Variants in ZYG11B observed in about 807,000 individuals in gnomAD.
ZYG11B encodes the protein protein zyg-11 homolog B.
A neutral mutation model predicts 82.4 loss-of-function variants in ZYG11B; 36 were observed. That is an observed-to-expected ratio of 0.44 (90% CI 0.33 to 0.58). The LOEUF is 0.58. Ranked by LOEUF, ZYG11B falls within the 20% of genes least tolerant of loss-of-function variation. The pLI, the probability that ZYG11B is intolerant of heterozygous loss-of-function variation, is 0.02. For synonymous variants in ZYG11B, 303 were observed against 312.8 expected (o/e 0.97, Z 0.33); for missense variants, 552 against 895.6 (o/e 0.62, Z 4.90).
intron 1 of ZYG11B, among the ~76,000 whole-genome samples, chr1:52,741,495 T>G (rs919376085): frequency 2.6e-5 from 4 of 152,154 alleles, no homozygotes; most frequent in African/African-American, 9.7e-5. Flanking sequence ...GACTTGGGAC[T>G]TAATATTTCT....
chr1:52,753,690 G>A lies in ZYG11B; in HGVS notation c.31-2768G>A, dbSNP rs528640211. On this transcript the variant is annotated intron_variant, in intron 1 of 13. Coordinates refer to ENST00000294353, the MANE Select transcript of ZYG11B (RefSeq NM_024646.3). The stretch of plus-strand genomic sequence containing the variant: ...CGGCTCATCGCAACCTCTGCCTCCC[G>A]GGTGCAAGCGATTCTCCTGCCTCAG... Among the ~76,000 whole-genome samples, 375 of 151,642 alleles carry A rather than the reference G, an allele frequency of 2.5e-3. 3 individuals are homozygous for A. The highest frequency in any genetic ancestry group is 8.6e-3 in the African/African-American group (357 of 41,332).
intron 8 of ZYG11B, among the ~76,000 whole-genome samples, chr1:52,796,986 A>AT (rs57266374): frequency 4.1e-5 from 3 of 73,664 alleles, no homozygotes; most frequent in Admixed American, 4.0e-4. Context: ...AAATATATAT[A>AT]TTTTTTATAT....
chr1:52,753,819 C>T (rs936515370), intron 1 of ZYG11B, among the ~76,000 whole-genome samples: 3 of 152,132 alleles, frequency 2.0e-5, no homozygotes, highest in African/African-American at 7.2e-5. Context: ...TGGTCTTGAA[C>T]TCCCGACCGC....
At chr1:52,776,227 A>ATATATATATATATATATATATATATAT (rs1553260249) in intron 3 of ZYG11B, among the ~76,000 whole-genome samples, 9 of 2,928 alleles carry the variant, frequency 3.1e-3, no homozygotes, top group Non-Finnish European at 0.018. Context: ...CTTAAAAAAA[A>ATATATATATATATATATATATATATAT]AAATATATAT....
chr1:52,808,103 G>A (rs1363807443), intron 10 of ZYG11B, among the ~76,000 whole-genome samples: 4 of 152,062 alleles, frequency 2.6e-5, no homozygotes, highest in South Asian at 4.1e-4. Flanking sequence ...TGGCTCACGC[G>A]TGGAATCCCA....
intron 6 of ZYG11B, among the ~76,000 whole-genome samples, chr1:52,795,805 C>T (rs1014120775): frequency 2.6e-5 from 4 of 152,138 alleles, no homozygotes; most frequent in African/African-American, 7.2e-5. Flanking sequence ...CTGTCTTCCT[C>T]ACTAGAATGT....
At chr1:52,764,686 G>A (rs1273822220) in intron 2 of ZYG11B, among the ~76,000 whole-genome samples, 2 of 152,148 alleles carry the variant, frequency 1.3e-5, no homozygotes, top group African/African-American at 4.8e-5. Context: ...CAATTAGGAA[G>A]TAAACATATA....
At chr1:52,815,811 T>C (rs1645219011) in intron 12 of ZYG11B, among the ~76,000 whole-genome samples, 1 of 147,300 alleles carries the variant, frequency 6.8e-6, no homozygotes, top group Admixed American at 6.8e-5. Flanking sequence ...GGCAGGCGCC[T>C]GTAGTCCCAG....
intron 10 of ZYG11B, among the ~76,000 whole-genome samples, chr1:52,805,687 C>T (rs113458183): frequency 6.6e-6 from 1 of 151,976 alleles, no homozygotes; most frequent in Non-Finnish European, 1.5e-5. Flanking sequence ...CAAAAATTAG[C>T]CAGCCGTGGT....
intron 1 of ZYG11B, among the ~76,000 whole-genome samples, chr1:52,749,741 C>T (rs1473846273): frequency 2.6e-5 from 4 of 151,972 alleles, no homozygotes; most frequent in East Asian, 3.9e-4. Context: ...TTATTAGAGA[C>T]AGGGTTTTGC....
At chr1:52,811,713 GT>G (rs552214211) in intron 10 of ZYG11B, among the ~76,000 whole-genome samples, 4 of 149,262 alleles carry the variant, frequency 2.7e-5, no homozygotes, top group East Asian at 2.0e-4. Flanking sequence ...ACTTAGTTTT[GT>G]TTTTTTTTTA....
chr1:52,766,131 T>G (rs1250190363), intron 2 of ZYG11B, among the ~76,000 whole-genome samples: 2 of 150,052 alleles, frequency 1.3e-5, no homozygotes, highest in Non-Finnish European at 3.0e-5. Context: ...TTTTTTTTTT[T>G]TTTTTGAGAT....
At chr1:52,754,213 C>A in intron 1 of ZYG11B, 1 of 150,564 alleles carries the variant, frequency 6.6e-6, no homozygotes, top group Non-Finnish European at 1.5e-5. Context: ...TTAGTAGAGA[C>A]GAGGCTTCAC....
intron 1 of ZYG11B, among the ~76,000 whole-genome samples, chr1:52,746,198 C>T (rs1030459004): frequency 2.6e-5 from 4 of 152,034 alleles, no homozygotes; most frequent in African/African-American, 4.8e-5. Flanking sequence ...GTGATCCACC[C>T]GCCTTGGCCC....
chr1:52,772,605 G>T, intron 3 of ZYG11B: 1 of 1,330,530 alleles, frequency 7.5e-7, no homozygotes, highest in Non-Finnish European at 1.1e-6. Context: ...ATAGGGTAAA[G>T]CCGACTGGGA....
chr1:52,791,044 T>C (rs1256220421), intron 6 of ZYG11B, among the ~76,000 whole-genome samples: 1 of 152,048 alleles, frequency 6.6e-6, no homozygotes, highest in Non-Finnish European at 1.5e-5. Flanking sequence ...CAATCTCAGC[T>C]CACTGCAACC....
rs1446335660 is a variant in ZYG11B at position 52,807,396 on chromosome 1, G to C, written c.1695+5257G>C. 4.6e-5 allele frequency among the ~76,000 whole-genome samples: 7 copies of C among 151,972 alleles called. No homozygotes were observed. The East Asian group carries it at 5.8e-4, about 13-fold the overall frequency. On this transcript the variant is annotated intron_variant, in intron 10 of 13. Coordinates refer to ENST00000294353, the MANE Select transcript of ZYG11B (RefSeq NM_024646.3). ...TTACATACTTACTGTTTTTTGTAGTGAGAGCATTTAAAATTTACTCTTGGC... is the reference window on the plus strand; with the variant it reads ...TTACATACTTACTGTTTTTTGTAGTCAGAGCATTTAAAATTTACTCTTGGC...
chr1:52,773,319 C>T (rs142423387), intron 3 of ZYG11B, among the ~76,000 whole-genome samples: 3,930 of 151,174 alleles, frequency 0.026, 131 homozygotes, highest in East Asian at 0.17. Flanking sequence ...ACTAAAAATA[C>T]AAAAATTAGC....
chr1:52,806,843 A>C (rs1645145205), intron 10 of ZYG11B, among the ~76,000 whole-genome samples: 1 of 151,980 alleles, frequency 6.6e-6, no homozygotes, highest in Non-Finnish European at 1.5e-5. Context: ...AAATAATAAA[A>C]ATAATAATTG....
Sources: allele counts gnomAD v4.1 joint callset (sites outside exome capture counted in the v4.1 genomes callset), GRCh38; gene constraint gnomAD v4.1.1; transcripts MANE v1.5; gene names NCBI Gene and HGNC (gene_info 2026-07-23, HGNC 2026-07-21).